Variants in CDHR3 observed in about 807,000 individuals in gnomAD.
CDHR3 encodes the protein cadherin related family member 3.
In CDHR3, 79 loss-of-function variants were observed where a neutral mutation model predicts 86.6. That is an observed-to-expected ratio of 0.91 (90% CI 0.76 to 1.10). The LOEUF is 1.10. Among genes scored for constraint, CDHR3 ranks in the 50% least tolerant of loss-of-function variants. The pLI is 0.00. For missense variants in CDHR3, 1,081 were observed against 1,077.6 expected (o/e 1.00, Z -0.04); for synonymous variants, 421 against 402.4 (o/e 1.05, Z -0.55).
intron 4 of CDHR3, among the ~76,000 whole-genome samples, chr7:105,984,822 C>G (rs1830284659): frequency 6.6e-6 from 1 of 152,024 alleles, no homozygotes; most frequent in African/African-American, 2.4e-5. Flanking sequence ...TGCCTGTAAT[C>G]CCAAGATAGG....
chr7:105,997,670 C>T (rs1433335303), intron 6 of CDHR3, among the ~76,000 whole-genome samples: 1 of 152,106 alleles, frequency 6.6e-6, no homozygotes, highest in Admixed American at 6.5e-5. Context: ...CCCACAAGTC[C>T]CATCTGGGAG....
chr7:106,023,725 A>G (rs1049481974), intron 14 of CDHR3, among the ~76,000 whole-genome samples: 7 of 152,328 alleles, frequency 4.6e-5, no homozygotes, highest in African/African-American at 1.4e-4. Context: ...GCTCGAGTCA[A>G]TATGACCCCA....
intron 17 of CDHR3, among the ~76,000 whole-genome samples, chr7:106,028,969 T>A (rs1475266934): frequency 2.7e-5 from 4 of 149,928 alleles, no homozygotes; most frequent in Admixed American, 6.7e-5. Flanking sequence ...TCTTTCTTTC[T>A]TTCTTTCTTT....
intron 6 of CDHR3, among the ~76,000 whole-genome samples, chr7:105,999,864 G>A (rs529096922): frequency 6.6e-6 from 1 of 152,374 alleles, no homozygotes; most frequent in South Asian, 2.1e-4. Context: ...CTAGGAGCAT[G>A]CTTGGAGCAG....
At chr7:105,970,968 C>T (rs2527854) in intron 1 of CDHR3, among the ~76,000 whole-genome samples, 13,421 of 151,820 alleles carry the variant, frequency 0.088, 946 homozygotes, top group East Asian at 0.4. Context: ...GGTGAAACTC[C>T]GTCTCTACTA....
chr7:106,010,500 T>C (rs1251727804), intron 8 of CDHR3, among the ~76,000 whole-genome samples: 2 of 152,196 alleles, frequency 1.3e-5, no homozygotes, highest in Admixed American at 6.5e-5. Flanking sequence ...CCTGCTGAAA[T>C]ACAGAGGTGA....
chr7:105,979,373 T>C (rs1024290950), intron 2 of CDHR3, among the ~76,000 whole-genome samples: 6 of 152,146 alleles, frequency 3.9e-5, no homozygotes, highest in Admixed American at 6.5e-5. Context: ...AATACCTCTT[T>C]TTCCCCCCTC....
chr7:105,995,758 A>G (rs778247400), intron 5 of CDHR3, among the ~76,000 whole-genome samples: 16 of 152,094 alleles, frequency 1.1e-4, no homozygotes, highest in Non-Finnish European at 1.8e-4. Context: ...TCTATACAAG[A>G]TTTCTCAGAC....
intron 9 of CDHR3, among the ~76,000 whole-genome samples, chr7:106,013,557 A>G (rs1013851636): frequency 2.6e-5 from 4 of 152,162 alleles, no homozygotes; most frequent in African/African-American, 7.2e-5. Context: ...GTGGGTCCCA[A>G]TGATTTGAGT....
intron 6 of CDHR3, among the ~76,000 whole-genome samples, chr7:106,001,208 G>A (rs917182234): frequency 1.4e-4 from 22 of 152,210 alleles, no homozygotes; most frequent in Non-Finnish European, 4.4e-5. Flanking sequence ...GAGGTGCATA[G>A]AGTCAGAGAC....
intron 10 of CDHR3, 121 bp downstream of exon 10, chr7:106,015,334 G>A: frequency 1.3e-6 from 1 of 763,802 alleles, no homozygotes; most frequent in Non-Finnish European, 2.1e-6. Flanking sequence ...CCTCATGCGG[G>A]GACCCCCTCT....
Position 106,033,515 on chromosome 7 carries a change from G to A in CDHR3, c.*818G>A, listed in dbSNP as rs1160290812. On this transcript the variant is annotated 3_prime_UTR_variant, in exon 19 of 19. Transcript: ENST00000317716. ...TGCCAGCACTTTGCCAAGGTGGGCA[G>A]ATCACCTAAGGTCAGGAGTTCAAGA... The A allele has an allele frequency of 6.6e-6, 1 of 152,202 alleles. No individual in the cohort carries two copies. Among genetic ancestry groups the A allele is most frequent in the Non-Finnish European group, 1.5e-5 (1 of 68,036 alleles). The allele number at this position is 152,202 out of a possible 1,614,324, so 9.4% of individuals were successfully genotyped here.
Position 105,988,782 on chromosome 7 carries a change from T to A in CDHR3, c.513+4493T>A, listed in dbSNP as rs1236444561. ...TGAGTCCTGCACATGTAATTTTAAA[T>A]GTTCTAGTAGCCACATTGAAAGTAA... On this transcript the variant is annotated intron_variant, in intron 4 of 18. Transcript: ENST00000317716. 2.0e-5 allele frequency among the ~76,000 whole-genome samples: 3 copies of A among 152,238 alleles called. No individual in the cohort carries two copies. The East Asian group carries it at 5.8e-4, about 29-fold the overall frequency.
Position 106,024,828 on chromosome 7 carries a change from G to A in CDHR3, c.2258+266G>A, listed in dbSNP as rs554980957. 1.5e-4 allele frequency among the ~76,000 whole-genome samples: 23 copies of A among 152,264 alleles called. No individual in the cohort carries two copies. The South Asian group carries it at 4.6e-3, about 30-fold the overall frequency. ...TCCTTGAGGCTCTTAATAAGACTGG[G>A]GCATCAACCTTCTGATGACCTTGCC... On this transcript the variant is annotated intron_variant, in intron 15 of 18. Coordinates refer to ENST00000317716, the MANE Select transcript of CDHR3 (RefSeq NM_152750.5).
chr7:106,009,209 T>G (rs1834387523), intron 8 of CDHR3, among the ~76,000 whole-genome samples: 1 of 152,190 alleles, frequency 6.6e-6, no homozygotes. Context: ...TGGGCTCTTC[T>G]AGCGGGAGGA....
Position 105,974,887 on chromosome 7 carries a change from T to C in CDHR3, c.90T>C (p.Asn30=). Residue 30 remains asparagine, a synonymous_variant, in exon 2 of 19, where the codon AAT becomes AAC. Coordinates refer to ENST00000317716, the MANE Select transcript of CDHR3 (RefSeq NM_152750.5). ...TAATCCTCTTACCTGCTACAGGCAA[T>C]GTGGCAGAGAATTCTCCACCTGGGA... ...LHLILLPATG[N]VAENSPPGTS... 1 of 1,613,812 alleles carries C rather than the reference T, an allele frequency of 6.2e-7. No individual in the cohort carries two copies. Among genetic ancestry groups the C allele is most frequent in the Non-Finnish European group, 8.5e-7 (1 of 1,179,748 alleles).
intron 8 of CDHR3, among the ~76,000 whole-genome samples, chr7:106,006,484 G>A (rs963579258): frequency 3.3e-5 from 5 of 152,182 alleles, no homozygotes; most frequent in Admixed American, 2.0e-4. Context: ...AGATACAATG[G>A]GGGTATAGGC....
At chr7:105,971,482 G>A (rs182062394) in intron 1 of CDHR3, among the ~76,000 whole-genome samples, 17 of 152,226 alleles carry the variant, frequency 1.1e-4, no homozygotes, top group African/African-American at 3.9e-4. Flanking sequence ...CAAGGAGGAC[G>A]ATAAAAAACA....
At chr7:105,969,531 G>C (rs1827601669) in intron 1 of CDHR3, among the ~76,000 whole-genome samples, 1 of 152,182 alleles carries the variant, frequency 6.6e-6, no homozygotes. Context: ...GTCTCAACGA[G>C]GACCTTCTGT....
Sources: gnomAD v4.1 joint callset for allele counts (sites outside exome capture counted in the v4.1 genomes callset) on GRCh38, gnomAD v4.1.1 for gene constraint, MANE v1.5 for transcripts, NCBI Gene and HGNC (gene_info 2026-07-23, HGNC 2026-07-21) for gene names.